Variants in KLHL42 observed in about 807,000 individuals in gnomAD.
The protein encoded by KLHL42 is kelch like family member 42.
Under a neutral mutation model 32.7 loss-of-function variants are expected in KLHL42, and 27 were observed. The observed-to-expected ratio is 0.83, with a 90% CI of 0.61 to 1.14. KLHL42 has a LOEUF of 1.14. KLHL42 is among the 50% of genes most tolerant of loss of function. KLHL42 has a pLI of 0.00. For synonymous variants in KLHL42, 267 were observed against 248.2 expected (o/e 1.08, Z -0.71); for missense variants, 491 against 560.8 (o/e 0.88, Z 1.26).
chr12:27,793,806 A>C (rs1296081988), intron 2 of KLHL42, among the ~76,000 whole-genome samples: 1 of 152,192 alleles, frequency 6.6e-6, no homozygotes, highest in Non-Finnish European at 1.5e-5. Context: ...TTTATTTGAC[A>C]TGGTGAAATA....
In KLHL42 at chr12:27,799,216, T is replaced by A. The variant is rs1350745622; in HGVS notation, c.*1050T>A. The A allele has an allele frequency of 6.6e-6, 1 of 152,244 alleles. No individual in the cohort carries two copies. Among genetic ancestry groups the A allele is most frequent in the East Asian group, 1.9e-4 (1 of 5,200 alleles). 9.4% of individuals were successfully genotyped at this position (152,244 alleles called of 1,614,324 possible). A position where few individuals can be genotyped will look rare whatever the true frequency, so the allele number is the denominator to read the frequency against. On this transcript the variant is annotated 3_prime_UTR_variant, in exon 3 of 3. Transcript: ENST00000381271. ...TGCTGGAGTGAGGGGAAGAAGCTGT[T>A]ACAGAAGTGGAATGGTTTCTGGTGG... is the stretch of plus-strand genomic sequence containing the variant.
At chr12:27,789,488 T>G (rs1004374056) in intron 1 of KLHL42, among the ~76,000 whole-genome samples, 1 of 152,226 alleles carries the variant, frequency 6.6e-6, no homozygotes, top group Non-Finnish European at 1.5e-5. Context: ...GATGGAATCA[T>G]TTACTTTAAC....
chr12:27,790,222 A>T (rs2062190392), intron 1 of KLHL42, among the ~76,000 whole-genome samples: 1 of 152,200 alleles, frequency 6.6e-6, no homozygotes, highest in Non-Finnish European at 1.5e-5. Flanking sequence ...AGAAAACAGA[A>T]ATTTGAATGA....
chr12:27,786,003 C>CT (rs1242018457), intron 1 of KLHL42, among the ~76,000 whole-genome samples: 1 of 152,198 alleles, frequency 6.6e-6, no homozygotes, highest in Non-Finnish European at 1.5e-5. Flanking sequence ...ACTGTTCCCG[C>CT]TGCTTTGCAT....
Position 27,780,327 on chromosome 12 carries a change from A to G in KLHL42, c.-4A>G. 6.4e-7 allele frequency: 1 copy of G among 1,558,232 alleles called. No individual in the cohort carries two copies. Among genetic ancestry groups the G allele is most frequent in the Non-Finnish European group, 8.6e-7 (1 of 1,156,558 alleles). ...TGAGCGCTGCCGCCCCGGGGCCCCC[A>G]GCCATGTCGGCCGAGGAGATGGTGC... is the stretch of plus-strand genomic sequence containing the variant. On this transcript the variant is annotated 5_prime_UTR_variant, in exon 1 of 3. Transcript: ENST00000381271. This position sits in a 1 kb window ranked among gnomAD's most constrained non-coding sequence, Gnocchi z 8.8.
intron 2 of KLHL42, chr12:27,797,408 G>T (rs1158583524): frequency 3.9e-6 from 2 of 519,480 alleles, no homozygotes; most frequent in African/African-American, 3.8e-5. Flanking sequence ...CACTGACCTG[G>T]TGGTTCAAAG....
At chr12:27,797,475 G>A (rs2062224335) in intron 2 of KLHL42, 2 of 562,768 alleles carry the variant, frequency 3.6e-6, no homozygotes, top group African/African-American at 3.8e-5. Context: ...GCTTTTTCCT[G>A]GTTTTATCCA....
Position 27,783,613 on chromosome 12 carries a change from G to A in KLHL42, c.872+2411G>A, listed in dbSNP as rs529505802. 7.0e-4 allele frequency among the ~76,000 whole-genome samples: 106 copies of A among 151,724 alleles called. 1 individual carries two copies. The South Asian group carries it at 7.1e-3, about 10-fold the overall frequency. ...TTTATTTTTTTTGAGACGGAGTCTC[G>A]CTCTGTCGCCCAGGCTGGAGTGCAG... is the stretch of plus-strand genomic sequence containing the variant. On this transcript the variant is annotated intron_variant, in intron 1 of 2. Coordinates refer to ENST00000381271, the MANE Select transcript of KLHL42 (RefSeq NM_020782.2).
intron 2 of KLHL42, chr12:27,797,212 T>C (rs1227191351): frequency 2.2e-6 from 1 of 456,112 alleles, no homozygotes; most frequent in Admixed American, 2.3e-5. Context: ...TTGCTGCCTT[T>C]CTCCTGACTT....
At chr12:27,793,948 C>T (rs183953865) in intron 2 of KLHL42, among the ~76,000 whole-genome samples, 2 of 152,320 alleles carry the variant, frequency 1.3e-5, no homozygotes, top group Non-Finnish European at 2.9e-5. Context: ...CACATGCTAA[C>T]GTAGCATCCA....
chr12:27,786,268 G>A (rs1257059393), intron 1 of KLHL42, among the ~76,000 whole-genome samples: 1 of 152,144 alleles, frequency 6.6e-6, no homozygotes, highest in Non-Finnish European at 1.5e-5. Context: ...ATAGAGCACA[G>A]ATCTTTTGTG....
intron 1 of KLHL42, among the ~76,000 whole-genome samples, chr12:27,783,512 T>A (rs1405303296): frequency 6.6e-6 from 1 of 152,268 alleles, no homozygotes; most frequent in Non-Finnish European, 1.5e-5. Context: ...TGGCACTTGA[T>A]ATTTCCATTT....
At position 27,791,710 on chromosome 12, in the gene KLHL42, C is replaced by G. The variant is rs1243856407; in HGVS notation, c.875C>G (p.Ser292Cys). 6.2e-7 allele frequency: 1 copy of G among 1,613,412 alleles called. No homozygotes were observed. The highest frequency in any genetic ancestry group is 2.2e-5 in the East Asian group (1 of 44,886). ...LQVASMNQKR[S>C]NFKLVAVNSK... ...GGGCCTTTGTGTCTCTCTTTCAGGT[C>G]TAACTTCAAACTTGTGGCTGTTAAT... The change falls in exon 2 of 3, where the codon TCT (serine) becomes TGT (cysteine). Residue 292 changes from serine (S) to cysteine (C), a missense_variant and splice_region_variant. This residue lies in a region of KLHL42 where 248 missense variants were observed against 329.2 expected (regional missense o/e 0.75). Transcript: ENST00000381271.
intron 1 of KLHL42, among the ~76,000 whole-genome samples, chr12:27,787,292 C>T (rs1210717873): frequency 6.6e-6 from 1 of 151,672 alleles, no homozygotes; most frequent in African/African-American, 2.4e-5. Context: ...GTCAGAGGTT[C>T]GAGACCAGCC....
intron 1 of KLHL42, 85 bp from the exon 2 acceptor site, chr12:27,791,623 A>G: frequency 8.5e-7 from 1 of 1,176,594 alleles, no homozygotes; most frequent in Non-Finnish European, 1.2e-6. Flanking sequence ...TCAGATGTTC[A>G]GGAGAGTCTA....
At chr12:27,796,481 G>GT (rs1241845181) in intron 2 of KLHL42, among the ~76,000 whole-genome samples, 2 of 152,186 alleles carry the variant, frequency 1.3e-5, no homozygotes, top group African/African-American at 2.4e-5. Context: ...CAGAGCATTT[G>GT]TTTTTTCTGC....
chr12:27,795,004 G>T (rs942923020), intron 2 of KLHL42, among the ~76,000 whole-genome samples: 3 of 152,052 alleles, frequency 2.0e-5, no homozygotes, highest in South Asian at 4.2e-4. Context: ...TAAGCCATGG[G>T]CCCCTCAGTC....
At chr12:27,791,640 C>G in intron 1 of KLHL42, 68 bp from the exon 2 acceptor site, 2 of 1,337,922 alleles carry the variant, frequency 1.5e-6, no homozygotes, top group Non-Finnish European at 2.1e-6. Context: ...TCTAGTAGTT[C>G]ATGCCATTGT....
chr12:27,791,958 A>G (rs1344771277), intron 2 of KLHL42, 57 bp downstream of exon 2: 4 of 1,506,592 alleles, frequency 2.7e-6, no homozygotes, highest in African/African-American at 1.4e-5. Context: ...GCAGTCTGGG[A>G]AGGGCAAGAG....
Sources: allele counts gnomAD v4.1 joint callset (sites outside exome capture counted in the v4.1 genomes callset), GRCh38; gene constraint gnomAD v4.1.1; regional missense constraint gnomAD v4.1.1; non-coding constraint Gnocchi (gnomAD v3.1); transcripts MANE v1.5; gene names NCBI Gene and HGNC (gene_info 2026-07-23, HGNC 2026-07-21).